The following NFYA variants were observed in gnomAD, a reference collection of about 807,000 sequenced individuals.
NFYA encodes nuclear transcription factor Y subunit alpha.
In NFYA, 28 loss-of-function variants were observed where a neutral mutation model predicts 52.8. The ratio of observed to expected loss-of-function variants is 0.53; its 90% CI spans 0.39 to 0.73. NFYA has a LOEUF of 0.73. Ranked by LOEUF, NFYA falls within the 30% of genes least tolerant of loss-of-function variation. NFYA has a pLI of 0.00. For synonymous variants in NFYA, 150 were observed against 150.7 expected (o/e 1.00, Z 0.03); for missense variants, 234 against 427.0 (o/e 0.55, Z 3.98).
In NFYA at chr6:41,088,645, G is replaced by A. The variant is rs935373700; in HGVS notation, c.310-934G>A. ...GTTGCCTAGGCTGGAATGCAGTGGT[G>A]CGGATCTTGGCTCACTGCAACCTCT... On this transcript the variant is annotated intron_variant, in intron 4 of 9. Coordinates refer to ENST00000341376, the MANE Select transcript of NFYA (RefSeq NM_002505.5). Among the ~76,000 whole-genome samples the A allele has an allele frequency of 3.3e-5, 5 of 151,882 alleles. No individual in the cohort carries two copies. The East Asian group carries it at 9.9e-4, about 30-fold the overall frequency.
In NFYA at chr6:41,099,243, C is replaced by T. The variant is rs1156887775; in HGVS notation, c.*1833C>T. 6.6e-6 allele frequency: 1 copy of T among 152,140 alleles called. No individual in the cohort carries two copies. Among genetic ancestry groups the T allele is most frequent in the Non-Finnish European group, 1.5e-5 (1 of 68,034 alleles). The allele number at this position is 152,140 out of a possible 1,614,324, so 9.4% of individuals were successfully genotyped here. ...GATATTAATGTTATTCAGTAAGTCC[C>T]AAGTTTTTCAGAGAATAGATTACTA... On this transcript the variant is annotated 3_prime_UTR_variant, in exon 10 of 10. Coordinates refer to ENST00000341376, the MANE Select transcript of NFYA (RefSeq NM_002505.5).
chr6:41,087,346 G>A (rs1764076221), intron 4 of NFYA, among the ~76,000 whole-genome samples: 1 of 152,086 alleles, frequency 6.6e-6, no homozygotes, highest in Non-Finnish European at 1.5e-5. Context: ...CCATTGACCT[G>A]TTTTTTTCAC....
intron 2 of NFYA, among the ~76,000 whole-genome samples, chr6:41,080,135 G>T (rs1763866240): frequency 6.6e-6 from 1 of 152,168 alleles, no homozygotes; most frequent in South Asian, 2.1e-4. Flanking sequence ...TCTTAAAGCA[G>T]TCCAGTTGGG....
intron 4 of NFYA, among the ~76,000 whole-genome samples, chr6:41,086,791 TGAA>T (rs1310160512): frequency 6.6e-5 from 10 of 152,230 alleles, no homozygotes; most frequent in African/African-American, 2.2e-4. Flanking sequence ...AACATATCAA[TGAA>T]GAAATGGCTG....
At chr6:41,079,741 A>G (rs1448945598) in intron 2 of NFYA, among the ~76,000 whole-genome samples, 2 of 152,170 alleles carry the variant, frequency 1.3e-5, no homozygotes, top group Non-Finnish European at 2.9e-5. Flanking sequence ...GCTTGGGTTT[A>G]TTATAGTAAA....
chr6:41,089,474 C>T, intron 4 of NFYA, 105 bp from the exon 5 acceptor site: 1 of 1,304,428 alleles, frequency 7.7e-7, no homozygotes. Flanking sequence ...CTTTTTTCCT[C>T]TTCAGAACAT....
At chr6:41,092,785 A>T in intron 7 of NFYA, 127 bp from the exon 8 acceptor site, 1 of 842,988 alleles carries the variant, frequency 1.2e-6, no homozygotes, top group Non-Finnish European at 1.8e-6. Context: ...ATCCGCATTT[A>T]CCCAAGTACC....
At position 41,101,279 on chromosome 6, in the gene NFYA, C is replaced by G. The variant is rs1480655360; in HGVS notation, c.*3869C>G. On this transcript the variant is annotated 3_prime_UTR_variant, in exon 10 of 10. Transcript: ENST00000341376. ...GAGGCCTCGACGGTTACAGGCCTAG[C>G]CTCCCGCGAGCTAAGGCACAGTTTA... The G allele has an allele frequency of 1.3e-5, 2 of 152,222 alleles. No individual in the cohort carries two copies. The highest frequency in any genetic ancestry group is 2.4e-5 in the African/African-American group (1 of 41,448). 9.4% of individuals were successfully genotyped at this position (152,222 alleles called of 1,614,324 possible).
chr6:41,090,195 T>C lies in NFYA; in HGVS notation c.442-9T>C. 1 of 1,583,338 alleles carries C rather than the reference T, an allele frequency of 6.3e-7. No individual in the cohort carries two copies. The highest frequency in any genetic ancestry group is 8.7e-7 in the Non-Finnish European group (1 of 1,152,936). On this transcript the variant is annotated splice_polypyrimidine_tract_variant and intron_variant, in intron 5 of 9. Coordinates refer to ENST00000341376, the MANE Select transcript of NFYA (RefSeq NM_002505.5). Reference sequence around the variant, plus strand: ...TCTGTTGAATTGTGTCATTACTTATTTCCTCCAGACACAGCAGCAGATTGC... The same window carrying C: ...TCTGTTGAATTGTGTCATTACTTATCTCCTCCAGACACAGCAGCAGATTGC...
At chr6:41,094,622 C>T (rs981476319) in intron 9 of NFYA, 125 bp downstream of exon 9, 6 of 656,966 alleles carry the variant, frequency 9.1e-6, no homozygotes, top group African/African-American at 1.8e-5. Context: ...AAACTGGATG[C>T]AATCTTATGT....
At chr6:41,092,060 G>A (rs914688392) in intron 7 of NFYA, among the ~76,000 whole-genome samples, 2 of 152,256 alleles carry the variant, frequency 1.3e-5, no homozygotes, top group South Asian at 4.1e-4. Flanking sequence ...TAGAAAGATT[G>A]TAATTGATAG....
chr6:41,080,334 A>G (rs957273042), intron 2 of NFYA, among the ~76,000 whole-genome samples: 1 of 152,112 alleles, frequency 6.6e-6, no homozygotes, highest in Non-Finnish European at 1.5e-5. Flanking sequence ...TAGTTTTGGG[A>G]CATGAGAGCA....
intron 4 of NFYA, among the ~76,000 whole-genome samples, chr6:41,087,666 C>T (rs898606161): frequency 4.6e-5 from 7 of 152,116 alleles, no homozygotes; most frequent in African/African-American, 1.7e-4. Flanking sequence ...ATATAAAATA[C>T]AAGACATTTT....
intron 1 of NFYA, among the ~76,000 whole-genome samples, chr6:41,077,135 A>C (rs998051265): frequency 6.6e-6 from 1 of 151,988 alleles, no homozygotes; most frequent in Non-Finnish European, 1.5e-5. Context: ...TTAGTCAAGG[A>C]AAAAATCTCA....
In NFYA at chr6:41,101,607, T is replaced by C. The variant is rs897266851; in HGVS notation, c.*4197T>C. The stretch of plus-strand genomic sequence containing the variant: ...AGCTATCTAGCAGCCACTCCGCGAG[T>C]CGTTCATTTAACAAATACTTACTCT... On this transcript the variant is annotated 3_prime_UTR_variant, in exon 10 of 10. Coordinates refer to ENST00000341376, the MANE Select transcript of NFYA (RefSeq NM_002505.5). Among the ~76,000 whole-genome samples, 1 of 152,048 alleles carries C rather than the reference T, an allele frequency of 6.6e-6. No individual in the cohort carries two copies. Among genetic ancestry groups the C allele is most frequent in the African/African-American group, 2.4e-5 (1 of 41,388 alleles).
At chr6:41,074,275 G>C (rs771921234) in intron 1 of NFYA, among the ~76,000 whole-genome samples, 10 of 152,222 alleles carry the variant, frequency 6.6e-5, no homozygotes, top group African/African-American at 2.4e-4. Flanking sequence ...GTTTTCCTTA[G>C]GGTGAGAGGT....
chr6:41,095,019 C>T (rs1764310069), intron 9 of NFYA, among the ~76,000 whole-genome samples: 1 of 152,176 alleles, frequency 6.6e-6, no homozygotes, highest in South Asian at 2.1e-4. Context: ...CTAATCCTCT[C>T]TTCTTTGGCT....
intron 9 of NFYA, among the ~76,000 whole-genome samples, chr6:41,095,032 G>C (rs918594430): frequency 6.6e-6 from 1 of 152,106 alleles, no homozygotes; most frequent in Admixed American, 6.5e-5. Context: ...CTTTGGCTTA[G>C]ATTTATAAAA....
rs1250933700 is a variant in NFYA at position 41,099,977 on chromosome 6, G to A, written c.*2567G>A. The A allele has an allele frequency of 6.6e-6, 1 of 152,118 alleles. No homozygotes were observed. Among genetic ancestry groups the A allele is most frequent in the Non-Finnish European group, 1.5e-5 (1 of 68,030 alleles). 9.4% of individuals were successfully genotyped at this position (152,118 alleles called of 1,614,324 possible). On this transcript the variant is annotated 3_prime_UTR_variant, in exon 10 of 10. Transcript: ENST00000341376. ...ATAAATTTATAAAAATAACCGAAAA[G>A]TAATGTGACTTTTGAGGAATCTGCA...
Sources: gnomAD v4.1 joint callset for allele counts (sites outside exome capture counted in the v4.1 genomes callset) on GRCh38, gnomAD v4.1.1 for gene constraint, MANE v1.5 for transcripts, NCBI Gene and HGNC (gene_info 2026-07-23, HGNC 2026-07-21) for gene names.